NOVA1: variants seen among roughly 807,000 people sequenced by gnomAD.
NOVA1 encodes the protein RNA-binding protein Nova-1.
Under a neutral mutation model 38.0 loss-of-function variants are expected in NOVA1, and 7 were observed. That is an observed-to-expected ratio of 0.18 (90% confidence interval 0.10 to 0.35). The LOEUF is 0.35. Ranked by LOEUF, NOVA1 falls within the 10% of genes least tolerant of loss-of-function variation. The pLI, the probability that NOVA1 is intolerant of heterozygous loss-of-function variation, is 1.00. For missense variants in NOVA1, 460 were observed against 616.0 expected, an observed-to-expected ratio of 0.75 and a Z score of 2.68; for synonymous variants, 270 against 232.5, an observed-to-expected ratio of 1.16 and a Z score of -1.47.
At chr14:26,571,010 G>C (rs1192887772) in intron 2 of NOVA1, among the ~76,000 whole-genome samples, 1 of 151,898 alleles carries the variant, frequency 6.6e-6, no homozygotes, top group Non-Finnish European at 1.5e-5. Flanking sequence ...CACAAAGTCT[G>C]TTCTCTCTTT....
intron 2 of NOVA1, among the ~76,000 whole-genome samples, chr14:26,505,468 A>T (rs1275600413): frequency 6.6e-6 from 1 of 151,932 alleles, no homozygotes; most frequent in African/African-American, 2.4e-5. Context: ...TCCCACCATG[A>T]CTGTAAGTTT....
intron 2 of NOVA1, among the ~76,000 whole-genome samples, chr14:26,538,919 TGCTAA>T (rs1890278433): frequency 6.6e-6 from 1 of 152,162 alleles, no homozygotes. Context: ...TCTCTGAGCA[TGCTAA>T]GCTCATTCTG....
At chr14:26,540,906 C>T (rs1477068766) in intron 2 of NOVA1, among the ~76,000 whole-genome samples, 1 of 152,106 alleles carries the variant, frequency 6.6e-6, no homozygotes, top group Non-Finnish European at 1.5e-5. Context: ...AAAACTAGTA[C>T]ACAAACCTAT....
In NOVA1 at chr14:26,515,101, A is replaced by ATT. The variant is rs1203494909; in HGVS notation, c.281-34959_281-34958insAA. Among the ~76,000 whole-genome samples, 3 of 151,998 alleles carry ATT rather than the reference A, an allele frequency of 2.0e-5. No homozygotes were observed. In the East Asian group the frequency reaches 5.8e-4, roughly 29 times the overall value. ...TGGCCAACAAAGAACAAAAGTGGAC[A>ATT]ATAATTATGACATTTACTATATTGA... is the stretch of plus-strand genomic sequence containing the variant. On this transcript the variant is annotated intron_variant, in intron 2 of 4. Coordinates refer to ENST00000539517, the MANE Select transcript of NOVA1 (RefSeq NM_002515.3).
At chr14:26,586,214 C>T (rs939485245) in intron 2 of NOVA1, among the ~76,000 whole-genome samples, 2 of 151,270 alleles carry the variant, frequency 1.3e-5, no homozygotes, top group African/African-American at 4.8e-5. Context: ...TTCAAAATCA[C>T]ATTAAGTACT....
intron 3 of NOVA1, among the ~76,000 whole-genome samples, chr14:26,477,422 T>C (rs1885072532): frequency 1.3e-5 from 2 of 152,084 alleles, no homozygotes; most frequent in South Asian, 4.1e-4. Context: ...TATATCAAGT[T>C]ATATATAAGG....
At position 26,468,251 on chromosome 14, in the gene NOVA1, T is replaced by C. The variant is rs530763945; in HGVS notation, c.519+4069A>G. On this transcript the variant is annotated intron_variant, in intron 4 of 4. Transcript: ENST00000539517. ...AGGCAACTGTGGGTGGCCTCTAGAA[T>C]CTGAGAGTTGCCTGTAGCCAATAGC... 1.0e-3 allele frequency among the ~76,000 whole-genome samples: 152 copies of C among 151,584 alleles called. 1 individual carries two copies. Among genetic ancestry groups the C allele is most frequent in the Non-Finnish European group, 1.4e-3 (95 of 67,944 alleles).
intron 4 of NOVA1, among the ~76,000 whole-genome samples, chr14:26,451,869 T>A (rs559137755): frequency 6.6e-6 from 1 of 152,236 alleles, no homozygotes; most frequent in African/African-American, 2.4e-5. Flanking sequence ...AAATAACAAA[T>A]CTGTCAACCA....
At chr14:26,547,084 T>C (rs984609676) in intron 2 of NOVA1, among the ~76,000 whole-genome samples, 32 of 152,184 alleles carry the variant, frequency 2.1e-4, no homozygotes, top group Admixed American at 2.0e-3. Flanking sequence ...TCATTTTTCC[T>C]ATTACAAATA....
At chr14:26,479,758 A>C (rs951026830) in intron 3 of NOVA1, 2 of 436,440 alleles carry the variant, frequency 4.6e-6, no homozygotes, top group South Asian at 8.8e-5. Context: ...AGTGCTCCTC[A>C]ATGTAACACT....
intron 2 of NOVA1, among the ~76,000 whole-genome samples, chr14:26,560,000 GTAA>G (rs1225945280): frequency 6.6e-6 from 1 of 151,522 alleles, no homozygotes; most frequent in African/African-American, 2.4e-5. Context: ...TTAAATTATT[GTAA>G]TAAATTATTG....
At chr14:26,513,437 T>G (rs1387116866) in intron 2 of NOVA1, among the ~76,000 whole-genome samples, 2 of 151,838 alleles carry the variant, frequency 1.3e-5, no homozygotes, top group Non-Finnish European at 3.0e-5. Context: ...TGGCAATATG[T>G]TAAAAAATTA....
At chr14:26,457,444 C>A (rs1364973828) in intron 4 of NOVA1, among the ~76,000 whole-genome samples, 3 of 152,054 alleles carry the variant, frequency 2.0e-5, no homozygotes, top group African/African-American at 2.4e-5. Context: ...GGTGATCTTA[C>A]AGGATTATAA....
At chr14:26,507,698 C>A (rs1157200072) in intron 2 of NOVA1, among the ~76,000 whole-genome samples, 1 of 152,042 alleles carries the variant, frequency 6.6e-6, no homozygotes, top group Non-Finnish European at 1.5e-5. Context: ...AGCAAGAGTA[C>A]AAGTTTCCTA....
At chr14:26,596,317 T>C (rs1894186342) in intron 1 of NOVA1, among the ~76,000 whole-genome samples, 1 of 152,238 alleles carries the variant, frequency 6.6e-6, no homozygotes, top group Admixed American at 6.5e-5. Flanking sequence ...ACAAAACAGG[T>C]AATGTTCCTT....
At chr14:26,472,413 G>C (rs1288047482) in intron 3 of NOVA1, 22 bp from the exon 4 acceptor site, 9 of 1,349,980 alleles carry the variant, frequency 6.7e-6, no homozygotes, top group Non-Finnish European at 9.1e-6. Flanking sequence ...AGCAGTTCAG[G>C]AGCAAATCAA....
intron 4 of NOVA1, among the ~76,000 whole-genome samples, chr14:26,449,781 T>A (rs1440554559): frequency 2.0e-5 from 3 of 152,108 alleles, no homozygotes; most frequent in African/African-American, 7.2e-5. Flanking sequence ...TACCAAATGG[T>A]ACTACCATAT....
chr14:26,478,363 A>G (rs952765010), intron 3 of NOVA1, among the ~76,000 whole-genome samples: 6 of 151,766 alleles, frequency 4.0e-5, no homozygotes, highest in Non-Finnish European at 7.4e-5. Context: ...ATACTACTAA[A>G]TTTTATGTTT....
chr14:26,582,774 T>C (rs1045247488), intron 2 of NOVA1, among the ~76,000 whole-genome samples: 1 of 151,844 alleles, frequency 6.6e-6, no homozygotes, highest in East Asian at 1.9e-4. Context: ...TTACAGAAAT[T>C]AAAAAACAGG....
Sources: gnomAD v4.1 joint callset for allele counts (sites outside exome capture counted in the v4.1 genomes callset) on GRCh38, gnomAD v4.1.1 for gene constraint, MANE v1.5 for transcripts, NCBI Gene and HGNC (gene_info 2026-07-23, HGNC 2026-07-21) for gene names.